The following PCNT variants were observed in gnomAD, a reference collection of about 807,000 sequenced individuals.
The protein encoded by PCNT is kendrin.
A neutral mutation model predicts 380.4 loss-of-function variants in PCNT; 319 were observed. The observed-to-expected ratio is 0.84, with a 90% confidence interval of 0.77 to 0.92. The LOEUF is 0.92. Among genes scored for constraint, PCNT ranks in the 40% least tolerant of loss-of-function variants. The pLI is 0.00. For missense variants in PCNT, 4,400 were observed against 4,255.3 expected, an observed-to-expected ratio of 1.03 and a Z score of -0.95; for synonymous variants, 1,845 against 1,735.2, an observed-to-expected ratio of 1.06 and a Z score of -1.57.
At chr21:46,403,983 C>T (rs200767674) in intron 27 of PCNT, among the ~76,000 whole-genome samples, 342 of 115,466 alleles carry the variant, frequency 3.0e-3, no homozygotes, top group Middle Eastern at 7.1e-3. Flanking sequence ...GGTGCCCACG[C>T]GGCGCGTGCT....
At chr21:46,332,389 C>T (rs983595555) in intron 2 of PCNT, among the ~76,000 whole-genome samples, 1 of 152,172 alleles carries the variant, frequency 6.6e-6, no homozygotes. Flanking sequence ...AGTTGTTTTA[C>T]ACGTAATTTA....
rs143609173 is a variant in PCNT at position 46,419,541 on chromosome 21, C to T, written c.7024+1235C>T. 5.9e-5 allele frequency among the ~76,000 whole-genome samples: 9 copies of T among 152,366 alleles called. No individual in the cohort carries two copies. The East Asian group carries it at 9.6e-4, about 16-fold the overall frequency. On this transcript the variant is annotated intron_variant, in intron 31 of 46. Coordinates refer to ENST00000359568, the MANE Select transcript of PCNT (RefSeq NM_006031.6). The stretch of plus-strand genomic sequence containing the variant: ...AGCCAAGGTTTGCCCTTAAAGGACG[C>T]GCCCCGTGTTCCAGCAGAGCCGCTG...
At chr21:46,426,771 T>C (rs1426675473) in intron 33 of PCNT, among the ~76,000 whole-genome samples, 1 of 152,194 alleles carries the variant, frequency 6.6e-6, no homozygotes, top group Non-Finnish European at 1.5e-5. Context: ...CACCAGGGCT[T>C]GTGGAGGTTG....
chr21:46,405,457 G>A (rs2086595463), intron 27 of PCNT, among the ~76,000 whole-genome samples: 1 of 152,204 alleles, frequency 6.6e-6, no homozygotes, highest in Admixed American at 6.5e-5. Context: ...CAGCACTTTG[G>A]GAGGCCCAGG....
chr21:46,444,690 G>A lies in PCNT; in HGVS notation c.9840-4G>A, dbSNP rs199857861. 2.2e-4 allele frequency: 336 copies of A among 1,557,836 alleles called. No homozygotes were observed. Among genetic ancestry groups the A allele is most frequent in the Middle Eastern group, 1.4e-3 (8 of 5,908 alleles). ...CTTCTCTTGGTGTGGTAATTTGTTTGAAGAGCCACTCCATCCCCAAATTCA... is the reference window on the plus strand; with the variant it reads ...CTTCTCTTGGTGTGGTAATTTGTTTAAAGAGCCACTCCATCCCCAAATTCA... On this transcript the variant is annotated splice_polypyrimidine_tract_variant and splice_region_variant and intron_variant, in intron 45 of 46. Transcript: ENST00000359568.
intron 8 of PCNT, 102 bp downstream of exon 8, chr21:46,349,922 G>A (rs989736258): frequency 2.5e-6 from 3 of 1,179,318 alleles, no homozygotes; most frequent in Non-Finnish European, 3.8e-6. Flanking sequence ...TAAAACTTAA[G>A]TTCTAAATTT....
At chr21:46,333,072 C>G (rs1301146480) in intron 2 of PCNT, among the ~76,000 whole-genome samples, 1 of 152,078 alleles carries the variant, frequency 6.6e-6, no homozygotes, top group African/African-American at 2.4e-5. Flanking sequence ...GGGATTGCAC[C>G]ACTGCACGCC....
rs199898796 is a variant in PCNT at position 46,389,440 on chromosome 21, C to T, written c.3840+9C>T. On this transcript the variant is annotated intron_variant, in intron 19 of 46. Coordinates refer to ENST00000359568, the MANE Select transcript of PCNT (RefSeq NM_006031.6). ...TGGACTCCAGCAGGCAGGTGAGGCC[C>T]AGGCTCCCGGGGTCCTGTGGAGATG... 1.2e-6 allele frequency: 2 copies of T among 1,608,962 alleles called. No homozygotes were observed. Among genetic ancestry groups the T allele is most frequent in the Admixed American group, 1.7e-5 (1 of 60,000 alleles).
intron 44 of PCNT, 123 bp downstream of exon 44, chr21:46,442,696 C>T (rs1318436482): frequency 2.7e-6 from 2 of 739,428 alleles, no homozygotes; most frequent in East Asian, 2.7e-5. Context: ...TAAGAAAATC[C>T]GTGAATTCCG....
intron 46 of PCNT, among the ~76,000 whole-genome samples, 163 bp from the exon 47 acceptor site, chr21:46,445,117 ATTTG>A (rs2053720799): frequency 6.6e-6 from 1 of 152,224 alleles, no homozygotes; most frequent in African/African-American, 2.4e-5. Flanking sequence ...CCAGGATATA[ATTTG>A]TTCAGTGTTT....
At chr21:46,418,802 C>T (rs184073859) in intron 31 of PCNT, among the ~76,000 whole-genome samples, 1 of 152,364 alleles carries the variant, frequency 6.6e-6, no homozygotes, top group Non-Finnish European at 1.5e-5. Context: ...TGGAGAGGAG[C>T]CGAGGGGCCG....
intron 33 of PCNT, among the ~76,000 whole-genome samples, chr21:46,426,918 G>A (rs933989118): frequency 6.6e-6 from 1 of 152,188 alleles, no homozygotes; most frequent in Admixed American, 6.5e-5. Flanking sequence ...GAACGCACAG[G>A]GTGTGCTGGT....
intron 31 of PCNT, among the ~76,000 whole-genome samples, chr21:46,419,362 G>A (rs1569282126): frequency 6.6e-6 from 1 of 152,164 alleles, no homozygotes; most frequent in South Asian, 2.1e-4. Context: ...GCAGCTCCCT[G>A]GGGATGCCAC....
Position 46,430,153 on chromosome 21 carries a change from G to C in PCNT, c.7834G>C (p.Asp2612His), listed in dbSNP as rs1275241485. Residue 2612 changes from aspartate to histidine, a missense_variant, in exon 36 of 47, where the codon GAC (aspartate) becomes CAC (histidine). Physicochemically the swap from Asp to His is moderately conservative, Grantham distance 81. Coordinates refer to ENST00000359568, the MANE Select transcript of PCNT (RefSeq NM_006031.6). ...EQTVVRDLKS[D>H]LCESRQKSEQ... ...GACTGTAGTGCGAGATTTGAAGTCC[G>C]ACCTCTGTGAGAGCAGGCAGAAGAG... The C allele has an allele frequency of 1.2e-6, 2 of 1,614,080 alleles. No individual in the cohort carries two copies. Among genetic ancestry groups the C allele is most frequent in the Admixed American group, 3.3e-5 (2 of 60,014 alleles).
chr21:46,326,301 G>C (rs757416447), intron 1 of PCNT, 76 bp from the exon 2 acceptor site: 10 of 1,410,268 alleles, frequency 7.1e-6, no homozygotes, highest in Middle Eastern at 1.8e-4. Flanking sequence ...GTCCCCACCA[G>C]TCTGTTGACT....
At chr21:46,340,581 T>G (rs1245856613) in intron 3 of PCNT, among the ~76,000 whole-genome samples, 1 of 152,250 alleles carries the variant, frequency 6.6e-6, no homozygotes, top group East Asian at 1.9e-4. Flanking sequence ...TTCCTAGAGA[T>G]ATTTTCAAAC....
At chr21:46,421,439 G>A (rs1365902308) in intron 31 of PCNT, among the ~76,000 whole-genome samples, 1 of 144,352 alleles carries the variant, frequency 6.9e-6, no homozygotes, top group Admixed American at 6.6e-5. Flanking sequence ...TCTCTGGGAT[G>A]GACCAGGGCC....
chr21:46,440,710 A>G, intron 42 of PCNT, 145 bp from the exon 43 acceptor site: 1 of 589,160 alleles, frequency 1.7e-6, no homozygotes, highest in South Asian at 1.8e-5. Context: ...GGCCACAGAT[A>G]CTGTTGGAAG....
At chr21:46,335,118 C>A (rs2083691688) in intron 3 of PCNT, among the ~76,000 whole-genome samples, 1 of 152,136 alleles carries the variant, frequency 6.6e-6, no homozygotes, top group African/African-American at 2.4e-5. Context: ...ATTCTAGTTG[C>A]CCTTGTCGAT....
Sources: allele counts gnomAD v4.1 joint callset (sites outside exome capture counted in the v4.1 genomes callset), GRCh38; gene constraint gnomAD v4.1.1; transcripts MANE v1.5; gene names NCBI Gene and HGNC (gene_info 2026-07-23, HGNC 2026-07-21).